Variants in NFIB observed in about 807,000 individuals in gnomAD.
The protein encoded by NFIB is nuclear factor 1 B-type.
In NFIB, 11 loss-of-function variants were observed where a neutral mutation model predicts 61.5. The ratio of observed to expected loss-of-function variants is 0.18; its 90% confidence interval spans 0.11 to 0.30. NFIB has a LOEUF of 0.30. NFIB is among the 10% of genes least tolerant of loss of function. The pLI, the probability that NFIB is intolerant of heterozygous loss-of-function variation, is 1.00. For synonymous variants in NFIB, 260 were observed against 216.5 expected (o/e 1.20, Z -1.76); for missense variants, 471 against 608.9 (o/e 0.77, Z 2.38).
At chr9:14,255,214 C>A (rs1263164964) in intron 2 of NFIB, among the ~76,000 whole-genome samples, 1 of 152,006 alleles carries the variant, frequency 6.6e-6, no homozygotes, top group Non-Finnish European at 1.5e-5. Flanking sequence ...CAAAGTGAAA[C>A]CCTGACTCAA....
At chr9:14,447,766 C>T in the NFIB span, among the ~76,000 whole-genome samples, 2 of 151,992 alleles carry the variant, frequency 1.3e-5, no homozygotes, top group Non-Finnish European at 2.9e-5. Flanking sequence ...GATTTATGTC[C>T]CATTCCCTGT....
intron 6 of NFIB, among the ~76,000 whole-genome samples, chr9:14,134,829 T>G (rs1444295836): frequency 1.6e-5 from 2 of 125,206 alleles, no homozygotes; most frequent in African/African-American, 6.3e-5. Context: ...ACCAGGGAGG[T>G]GGAGGTGGCA....
the NFIB span, among the ~76,000 whole-genome samples, chr9:14,493,347 G>C: frequency 2.0e-5 from 3 of 152,068 alleles, no homozygotes; most frequent in Admixed American, 6.5e-5. Context: ...ATAAGCACTG[G>C]TAATTGAGGC....
chr9:14,432,597 T>C, the NFIB span, among the ~76,000 whole-genome samples: 1 of 152,198 alleles, frequency 6.6e-6, no homozygotes, highest in Non-Finnish European at 1.5e-5. Context: ...TGAAACAGTA[T>C]TAGTACCAGG....
upstream of NFIB, among the ~76,000 whole-genome samples, chr9:14,315,974 C>T (rs1187500565): frequency 6.6e-6 from 1 of 151,988 alleles, no homozygotes; most frequent in Non-Finnish European, 1.5e-5. Flanking sequence ...TCGAGGCTCG[C>T]CCCCGATTCC....
intron 6 of NFIB, 42 bp downstream of exon 6, chr9:14,146,647 C>T (rs2042305268): frequency 1.2e-6 from 2 of 1,612,070 alleles, no homozygotes; most frequent in East Asian, 2.2e-5. Flanking sequence ...AACGAGCCAA[C>T]ATTTTACTCA....
At chr9:14,187,019 G>GTGTGTGTT in intron 2 of NFIB, among the ~76,000 whole-genome samples, 1 of 15,538 alleles carries the variant, frequency 6.4e-5, no homozygotes, top group Admixed American at 9.3e-4. Context: ...GTGTGTGTGT[G>GTGTGTGTT]TGTGTGTATG....
At chr9:14,330,930 A>C (rs2060814049) in intron 1 of NFIB, among the ~76,000 whole-genome samples, 1 of 152,142 alleles carries the variant, frequency 6.6e-6, no homozygotes, top group Admixed American at 6.5e-5. Context: ...CTTCATATAT[A>C]GGAGTCCAGC....
At chr9:14,368,241 T>C (rs983237112) in intron 1 of NFIB, among the ~76,000 whole-genome samples, 9 of 150,822 alleles carry the variant, frequency 6.0e-5, no homozygotes, top group African/African-American at 2.2e-4. Context: ...AGGCCAATGT[T>C]GAGGGAATGA....
At chr9:14,513,663 G>GA in the NFIB span, among the ~76,000 whole-genome samples, 67,259 of 144,956 alleles carry the variant, frequency 0.46, 16,504 homozygotes, top group Middle Eastern at 0.59. Flanking sequence ...AAAAGAAAAA[G>GA]AAAAAAAAAG....
At chr9:14,185,388 G>A (rs909253946) in intron 2 of NFIB, among the ~76,000 whole-genome samples, 2 of 152,132 alleles carry the variant, frequency 1.3e-5, no homozygotes, top group African/African-American at 4.8e-5. Flanking sequence ...AAAATAGTAT[G>A]CCATTCATGG....
intron 2 of NFIB, among the ~76,000 whole-genome samples, chr9:14,200,885 C>T (rs2048964217): frequency 6.6e-6 from 1 of 152,192 alleles, no homozygotes; most frequent in South Asian, 2.1e-4. Context: ...AAAACTCCTC[C>T]TGATGTTGCT....
chr9:14,471,325 A>G, the NFIB span, among the ~76,000 whole-genome samples: 3 of 152,224 alleles, frequency 2.0e-5, no homozygotes, highest in South Asian at 2.1e-4. Context: ...CCCTGAGGTC[A>G]GGCACCGGCT....
intron 1 of NFIB, among the ~76,000 whole-genome samples, chr9:14,353,424 T>C (rs1236766752): frequency 6.6e-6 from 1 of 152,110 alleles, no homozygotes; most frequent in Non-Finnish European, 1.5e-5. Context: ...AGGGTGTCCT[T>C]GGCAGAGCGG....
intron 2 of NFIB, among the ~76,000 whole-genome samples, chr9:14,298,288 G>C (rs568894514): frequency 1.3e-5 from 2 of 152,192 alleles, no homozygotes; most frequent in East Asian, 3.9e-4. Context: ...TTTCACATCG[G>C]TAACCAACAG....
chr9:14,190,141 T>G (rs1279043821), intron 2 of NFIB, among the ~76,000 whole-genome samples: 6 of 152,222 alleles, frequency 3.9e-5, no homozygotes, highest in Admixed American at 3.3e-4. Flanking sequence ...TATATCCTTA[T>G]GTGAGCTTAG....
intron 2 of NFIB, among the ~76,000 whole-genome samples, chr9:14,260,729 C>G (rs971316123): frequency 3.3e-5 from 5 of 152,168 alleles, no homozygotes; most frequent in Admixed American, 3.3e-4. Context: ...TAGCTCAGAT[C>G]CTACCATCTT....
intron 10 of NFIB, chr9:14,102,350 G>C: frequency 7.6e-7 from 1 of 1,314,842 alleles, no homozygotes. Context: ...TGTAAAGCTA[G>C]TTAAAAACAA....
chr9:14,492,243 G>A, the NFIB span, among the ~76,000 whole-genome samples: 2 of 151,834 alleles, frequency 1.3e-5, no homozygotes, highest in Non-Finnish European at 2.9e-5. Context: ...GGCACCTGTA[G>A]TCCCAGCTAC....
Sources: gnomAD v4.1 joint callset for allele counts (sites outside exome capture counted in the v4.1 genomes callset) on GRCh38, gnomAD v4.1.1 for gene constraint, MANE v1.5 for transcripts, NCBI Gene and HGNC (gene_info 2026-07-23, HGNC 2026-07-21) for gene names.